TRIM2: variants seen among roughly 807,000 people sequenced by gnomAD.
TRIM2 encodes tripartite motif-containing protein 2.
A neutral mutation model predicts 75.2 loss-of-function variants in TRIM2; 20 were observed. That is an observed-to-expected ratio of 0.27 (90% confidence interval 0.19 to 0.39). TRIM2 has a LOEUF of 0.39. TRIM2 is among the 10% of genes least tolerant of loss of function. TRIM2 has a pLI of 1.00. For missense variants in TRIM2, 660 were observed against 990.8 expected (o/e 0.67, Z 4.48); for synonymous variants, 373 against 388.3 (o/e 0.96, Z 0.46).
intron 1 of TRIM2, among the ~76,000 whole-genome samples, chr4:153,229,444 G>C (rs1005986129): frequency 6.6e-6 from 1 of 152,078 alleles, no homozygotes; most frequent in African/African-American, 2.4e-5. Context: ...TTTTGGTAGA[G>C]ACAGGGTTTT....
chr4:153,221,526 T>A (rs915079962), intron 1 of TRIM2, among the ~76,000 whole-genome samples: 2 of 152,206 alleles, frequency 1.3e-5, no homozygotes, highest in African/African-American at 4.8e-5. Context: ...GTCCATACAC[T>A]TCTATCATTT....
chr4:153,181,536 G>C (rs952484690), intron 1 of TRIM2, among the ~76,000 whole-genome samples: 2 of 152,170 alleles, frequency 1.3e-5, no homozygotes, highest in South Asian at 2.1e-4. Flanking sequence ...GCCATGAGAG[G>C]CTCATGACCA....
chr4:153,292,337 A>G (rs1462626593), intron 3 of TRIM2, among the ~76,000 whole-genome samples: 2 of 152,202 alleles, frequency 1.3e-5, no homozygotes, highest in East Asian at 1.9e-4. Context: ...TTCACAATAT[A>G]TTTATTTTCA....
At chr4:153,245,479 A>T (rs1247534988) in intron 1 of TRIM2, among the ~76,000 whole-genome samples, 1 of 152,258 alleles carries the variant, frequency 6.6e-6, no homozygotes, top group East Asian at 1.9e-4. Flanking sequence ...CTGTGAGCCA[A>T]ATCTGGCCCA....
intron 1 of TRIM2, among the ~76,000 whole-genome samples, chr4:153,228,029 A>G (rs189006217): frequency 2.6e-5 from 4 of 152,212 alleles, no homozygotes; most frequent in African/African-American, 7.2e-5. Flanking sequence ...AGAGATTATA[A>G]AAGTGAACCT....
chr4:153,185,486 T>C (rs1732507357), intron 1 of TRIM2, among the ~76,000 whole-genome samples: 2 of 151,956 alleles, frequency 1.3e-5, no homozygotes, highest in South Asian at 4.2e-4. Flanking sequence ...GATGAGTGGA[T>C]CTTGAGCCAC....
upstream of TRIM2, among the ~76,000 whole-genome samples, chr4:153,202,405 G>A (rs1033617473): frequency 2.0e-5 from 3 of 152,168 alleles, no homozygotes; most frequent in Non-Finnish European, 4.4e-5. Context: ...ATTTAGAAAT[G>A]ATATAAGGAG....
intron 1 of TRIM2, among the ~76,000 whole-genome samples, chr4:153,242,211 C>T (rs1353920951): frequency 2.6e-5 from 4 of 152,184 alleles, no homozygotes; most frequent in Non-Finnish European, 5.9e-5. Flanking sequence ...TCCGCTCTTA[C>T]ATGTTTATTT....
intron 3 of TRIM2, among the ~76,000 whole-genome samples, chr4:153,282,978 T>C (rs28810681): frequency 6.6e-6 from 1 of 151,682 alleles, no homozygotes; most frequent in Non-Finnish European, 1.5e-5. Context: ...AGATAGGTTT[T>C]GCTATGTTGC....
chr4:153,221,656 A>G (rs1740029496), intron 1 of TRIM2, among the ~76,000 whole-genome samples: 1 of 151,866 alleles, frequency 6.6e-6, no homozygotes, highest in African/African-American at 2.4e-5. Flanking sequence ...GCCTTGTGAC[A>G]GATGAAGGAA....
rs371608836 is a variant in TRIM2, at chr4:153,322,696, G to A, written c.1831G>A (p.Asp611Asn). 1.2e-6 allele frequency: 2 copies of A among 1,614,024 alleles called. No individual in the cohort carries two copies. The highest frequency in any genetic ancestry group is 1.7e-6 in the Non-Finnish European group (2 of 1,180,016). ...KLMGPKGVSV[D>N]RNGHIIVVDN... Reference sequence around the variant, plus strand: ...GATGGGACCCAAAGGAGTTTCTGTGGACCGCAATGGGCACATTATTGTTGT... The same window carrying A: ...GATGGGACCCAAAGGAGTTTCTGTGAACCGCAATGGGCACATTATTGTTGT... Residue 611 changes from aspartate (D) to asparagine (N), a missense_variant, in exon 9 of 12, where the codon GAC (aspartate) becomes AAC (asparagine). By Grantham distance (23) the Asp-to-Asn change is conservative (BLOSUM62 1). This residue lies in a region of TRIM2 where 620 missense variants were observed against 891.0 expected (regional missense o/e 0.70). Transcript: ENST00000338700.
intron 1 of TRIM2, among the ~76,000 whole-genome samples, chr4:153,249,882 A>C (rs1306877465): frequency 6.6e-6 from 1 of 152,260 alleles, no homozygotes; most frequent in Non-Finnish European, 1.5e-5. Context: ...TGCAATCAGG[A>C]ACCCATAGTT....
chr4:153,233,120 C>T (rs1744106064), intron 1 of TRIM2, among the ~76,000 whole-genome samples: 4 of 152,228 alleles, frequency 2.6e-5, no homozygotes, highest in Middle Eastern at 6.8e-3. Flanking sequence ...GGCAAATTCC[C>T]GGAGTTAGAA....
intron 1 of TRIM2, among the ~76,000 whole-genome samples, chr4:153,260,957 A>T (rs767106738): frequency 1.2e-4 from 19 of 152,290 alleles, no homozygotes; most frequent in Admixed American, 2.6e-4. Flanking sequence ...AAAAATTAAG[A>T]ATACCCTTTT....
At chr4:153,293,165 C>A in intron 4 of TRIM2, 32 bp downstream of exon 4, 1 of 1,582,790 alleles carries the variant, frequency 6.3e-7, no homozygotes, top group Non-Finnish European at 8.6e-7. Flanking sequence ...CCCCAACTGG[C>A]TGCCTGTACT....
At chr4:153,208,952 C>G (rs571584872) in intron 1 of TRIM2, among the ~76,000 whole-genome samples, 2 of 152,172 alleles carry the variant, frequency 1.3e-5, no homozygotes, top group Non-Finnish European at 2.9e-5. Context: ...TCCACACACA[C>G]AAAGAAATGT....
At chr4:153,220,453 C>T (rs1739648113) in intron 1 of TRIM2, among the ~76,000 whole-genome samples, 1 of 152,020 alleles carries the variant, frequency 6.6e-6, no homozygotes, top group East Asian at 1.9e-4. Context: ...GTATTAAAGA[C>T]TATTAGGACA....
intron 1 of TRIM2, among the ~76,000 whole-genome samples, chr4:153,172,129 T>A (rs1488410589): frequency 9.1e-6 from 1 of 109,558 alleles, no homozygotes; most frequent in Non-Finnish European, 1.8e-5. Context: ...CACCTCCCCT[T>A]TTATGATAGT....
intron 1 of TRIM2, among the ~76,000 whole-genome samples, chr4:153,212,145 G>A (rs1334805402): frequency 6.6e-6 from 1 of 152,168 alleles, no homozygotes; most frequent in Non-Finnish European, 1.5e-5. Context: ...ATCAAGCTAA[G>A]TGTCTGTCAA....
Sources: allele counts gnomAD v4.1 joint callset (sites outside exome capture counted in the v4.1 genomes callset), GRCh38; gene constraint gnomAD v4.1.1; regional missense constraint gnomAD v4.1.1; transcripts MANE v1.5; gene names NCBI Gene and HGNC (gene_info 2026-07-23, HGNC 2026-07-21).